Variants in PSPC1 observed in about 807,000 individuals in gnomAD.
The protein encoded by PSPC1 is paraspeckle protein 1.
PSPC1 carries 14 observed loss-of-function variants against 51.6 expected under a neutral mutation model. That is an observed-to-expected ratio of 0.27 (90% CI 0.18 to 0.42). The LOEUF (loss-of-function observed/expected upper bound fraction) is 0.42. PSPC1 is among the 10% of genes least tolerant of loss of function. The pLI is 1.00. For synonymous variants in PSPC1, 193 were observed against 231.9 expected, an observed-to-expected ratio of 0.83 and a Z score of 1.53; for missense variants, 406 against 701.1, an observed-to-expected ratio of 0.58 and a Z score of 4.75.
intron 7 of PSPC1, among the ~76,000 whole-genome samples, chr13:19,676,759 CAT>C (rs1876682532): frequency 6.6e-6 from 1 of 152,164 alleles, no homozygotes; most frequent in Non-Finnish European, 1.5e-5. Flanking sequence ...CTAGAAAAGA[CAT>C]ACACTTAATA....
At chr13:19,715,113 C>T (rs1881940431) in intron 6 of PSPC1, among the ~76,000 whole-genome samples, 1 of 152,134 alleles carries the variant, frequency 6.6e-6, no homozygotes, top group South Asian at 2.1e-4. Flanking sequence ...AACTCTGTAA[C>T]GTTTTCTTTA....
chr13:19,777,923 G>A (rs894874280), intron 1 of PSPC1, among the ~76,000 whole-genome samples: 1 of 149,702 alleles, frequency 6.7e-6, no homozygotes, highest in African/African-American at 2.5e-5. Flanking sequence ...TCCAGCCTGG[G>A]CGACAGAGTG....
rs79817540 is a variant in PSPC1, at chr13:19,694,865, T to G, written c.1159-17042A>C. ...CCCCTTTGTCTCCTAAGATAGCTATTTTCTAGGCCCCTTAACTAAAAGAGT... is the reference window on the plus strand; with the variant it reads ...CCCCTTTGTCTCCTAAGATAGCTATGTTCTAGGCCCCTTAACTAAAAGAGT... On this transcript the variant is annotated intron_variant and NMD_transcript_variant, in intron 6 of 7. Transcript: ENST00000471658. 4.7e-4 allele frequency among the ~76,000 whole-genome samples: 72 copies of G among 152,302 alleles called. 1 individual carries two copies. The East Asian group carries it at 0.011, about 24-fold the overall frequency.
chr13:19,709,496 C>G (rs761513818), intron 7 of PSPC1, 46 bp downstream of exon 7: 3 of 1,447,278 alleles, frequency 2.1e-6, no homozygotes, highest in Non-Finnish European at 2.9e-6. Context: ...TAAACAGTCC[C>G]CCCAAAAATG....
chr13:19,752,578 T>TTTTA (rs937297098), intron 3 of PSPC1, among the ~76,000 whole-genome samples: 4 of 151,484 alleles, frequency 2.6e-5, no homozygotes, highest in Admixed American at 1.3e-4. Context: ...TTTTTCACTT[T>TTTTA]TTTATTTATT....
At chr13:19,757,193 G>GAC (rs1260198543) in intron 3 of PSPC1, among the ~76,000 whole-genome samples, 1 of 151,510 alleles carries the variant, frequency 6.6e-6, no homozygotes, top group Admixed American at 6.6e-5. Flanking sequence ...AAAGCTTTGG[G>GAC]ACCTTGAACT....
intron 6 of PSPC1, among the ~76,000 whole-genome samples, chr13:19,715,173 C>G (rs1010563413): frequency 2.6e-5 from 4 of 152,104 alleles, no homozygotes; most frequent in African/African-American, 9.7e-5. Context: ...AATCCTTTAG[C>G]AGGACTTTGG....
At chr13:19,715,370 C>G (rs1881973031) in intron 6 of PSPC1, among the ~76,000 whole-genome samples, 1 of 152,186 alleles carries the variant, frequency 6.6e-6, no homozygotes, top group Non-Finnish European at 1.5e-5. Context: ...AAACATGCCA[C>G]TACTGGCACA....
At chr13:19,678,171 T>C (rs575042197) in intron 6 of PSPC1, 4 of 228,044 alleles carry the variant, frequency 1.8e-5, no homozygotes, top group East Asian at 1.4e-4. Flanking sequence ...CTTGTACAGA[T>C]TGTTGATACC....
At position 19,697,035 on chromosome 13, in the gene PSPC1, G is replaced by C. The variant is rs17085836; in HGVS notation, c.1159-19212C>G. Reference sequence around the variant, plus strand: ...ACTGGCAATAGCTGTAAATGTCTGAGGGTGTTTTGATTGTCAGGGATCTTA... The same window carrying C: ...ACTGGCAATAGCTGTAAATGTCTGACGGTGTTTTGATTGTCAGGGATCTTA... On this transcript the variant is annotated intron_variant and NMD_transcript_variant, in intron 6 of 7. Transcript: ENST00000471658. Among the ~76,000 whole-genome samples the C allele has an allele frequency of 8.6e-3, 1,313 of 152,256 alleles. 22 individuals carry two copies. Among genetic ancestry groups the C allele is most frequent in the African/African-American group, 0.03 (1,256 of 41,552 alleles).
intron 6 of PSPC1, among the ~76,000 whole-genome samples, chr13:19,713,058 G>C (rs1252006000): frequency 6.6e-6 from 1 of 152,168 alleles, no homozygotes; most frequent in Non-Finnish European, 1.5e-5. Flanking sequence ...AGAATCACTT[G>C]AGGAAATTCA....
In PSPC1 at chr13:19,703,105, A is replaced by G; in HGVS notation, c.*70T>C. The G allele has an allele frequency of 1.5e-6, 2 of 1,339,222 alleles. No homozygotes were observed. Among genetic ancestry groups the G allele is most frequent in the South Asian group, 2.9e-5 (2 of 70,004 alleles). 83.0% of individuals were successfully genotyped at this position (1,339,222 alleles called of 1,614,324 possible). A position where few individuals can be genotyped will look rare whatever the true frequency, so the allele number is the denominator to read the frequency against. ...TTAACAATAAAACCATTTCTTCCAG[A>G]TAACAGGTAAAAGTATAAAGGCATA... is the stretch of plus-strand genomic sequence containing the variant. On this transcript the variant is annotated 3_prime_UTR_variant, in exon 9 of 9. Coordinates refer to ENST00000338910, the MANE Select transcript of PSPC1 (RefSeq NM_001354909.2).
At chr13:19,740,440 T>C (rs1314940738) in intron 5 of PSPC1, among the ~76,000 whole-genome samples, 1 of 152,114 alleles carries the variant, frequency 6.6e-6, no homozygotes, top group Non-Finnish European at 1.5e-5. Flanking sequence ...TACATCAAAA[T>C]ATACAGAATA....
rs905742616 is a variant in PSPC1, at chr13:19,680,607, T to C, written c.1159-2784A>G. On this transcript the variant is annotated intron_variant and NMD_transcript_variant, in intron 6 of 7. Coordinates refer to the PSPC1 transcript ENST00000471658. ...TCTCCATCAAAGTGATACTGCCTAATATGAAAAAAAAACCAATAATCAAAT... is the reference window on the plus strand; with the variant it reads ...TCTCCATCAAAGTGATACTGCCTAACATGAAAAAAAAACCAATAATCAAAT... Among the ~76,000 whole-genome samples, 17 of 151,834 alleles carry C rather than the reference T, an allele frequency of 1.1e-4. No homozygotes were observed. In the East Asian group the frequency reaches 2.9e-3, roughly 26 times the overall value.
At chr13:19,696,708 T>C (rs941023981) in intron 6 of PSPC1, among the ~76,000 whole-genome samples, 7 of 152,260 alleles carry the variant, frequency 4.6e-5, no homozygotes, top group Admixed American at 1.3e-4. Context: ...ACCATGAGGG[T>C]AAGTAAAGAC....
intron 6 of PSPC1, among the ~76,000 whole-genome samples, chr13:19,712,028 AT>A (rs1881508421): frequency 6.6e-6 from 1 of 152,104 alleles, no homozygotes; most frequent in Non-Finnish European, 1.5e-5. Context: ...AAACTTAAGA[AT>A]GCTTCAAAAC....
At chr13:19,698,672 T>A (rs1036186111), downstream of PSPC1, among the ~76,000 whole-genome samples, 1 of 151,842 alleles carries the variant, frequency 6.6e-6, no homozygotes, top group Non-Finnish European at 1.5e-5. Context: ...TTAAAGTTCA[T>A]CTGATTAAAT....
intron 6 of PSPC1, among the ~76,000 whole-genome samples, chr13:19,729,643 AAAAAAAAATT>A (rs1883802447): frequency 6.6e-6 from 1 of 152,098 alleles, no homozygotes; most frequent in African/African-American, 2.4e-5. Flanking sequence ...ATGTTTAAAA[AAAAAAAAATT>A]AAGACCTGTG....
intron 5 of PSPC1, among the ~76,000 whole-genome samples, chr13:19,732,612 T>A (rs901476374): frequency 2.6e-5 from 4 of 152,164 alleles, no homozygotes; most frequent in South Asian, 2.1e-4. Context: ...CACGTCAGAT[T>A]GCCACCTGAA....
Sources: allele counts gnomAD v4.1 joint callset (sites outside exome capture counted in the v4.1 genomes callset), GRCh38; gene constraint gnomAD v4.1.1; transcripts MANE v1.5; gene names NCBI Gene and HGNC (gene_info 2026-07-23, HGNC 2026-07-21).